CSMD1: variants seen among roughly 807,000 people sequenced by gnomAD.
The protein encoded by CSMD1 is CUB and sushi domain-containing protein 1.
A neutral mutation model predicts 417.5 loss-of-function variants in CSMD1; 213 were observed. The ratio of observed to expected loss-of-function variants is 0.51; its 90% CI spans 0.46 to 0.57. The LOEUF (loss-of-function observed/expected upper bound fraction) is 0.57, where lower values mean the gene tolerates loss of function less well. CSMD1 is among the 20% of genes least tolerant of loss of function. The probability of loss-of-function intolerance (pLI) is 0.00; values close to 1 mark genes in which losing one functional copy is unlikely to be tolerated. For synonymous variants in CSMD1, 2,862 were observed against 1,736.8 expected, an observed-to-expected ratio of 1.65 and a Z score of -16.11; for missense variants, 6,923 against 4,529.7, an observed-to-expected ratio of 1.53 and a Z score of -15.17.
intron 6 of CSMD1, among the ~76,000 whole-genome samples, chr8:3,726,336 C>G (rs148497278): frequency 6.6e-6 from 1 of 152,132 alleles, no homozygotes; most frequent in Non-Finnish European, 1.5e-5. Context: ...AATAATAATT[C>G]CGGTAATTTA....
rs186106313 is a variant in CSMD1 at position 4,657,323 on chromosome 8, T to G, written c.86-19765A>C. Among the ~76,000 whole-genome samples the G allele has an allele frequency of 1.3e-4, 20 of 152,178 alleles. No individual in the cohort carries two copies. The East Asian group carries it at 3.9e-3, about 30-fold the overall frequency. ...GAAGGAGGGCCCAGCACACAAAGGG[T>G]CAACTGGCAGACTGAGAGAGGATTT... On this transcript the variant is annotated intron_variant, in intron 1 of 69. Transcript: ENST00000635120.
intron 5 of CSMD1, among the ~76,000 whole-genome samples, chr8:3,796,291 T>C: frequency 4.0e-5 from 1 of 24,916 alleles, no homozygotes; most frequent in East Asian, 1.4e-3. Context: ...CATGTATAGA[T>C]ATATCTATCA....
intron 5 of CSMD1, among the ~76,000 whole-genome samples, chr8:3,971,965 T>C (rs148345919): frequency 7.9e-5 from 12 of 152,242 alleles, no homozygotes; most frequent in African/African-American, 2.9e-4. Context: ...TGGAGTGCAG[T>C]GGGTGATCCT....
At chr8:4,076,464 T>G (rs1799827098) in intron 3 of CSMD1, among the ~76,000 whole-genome samples, 1 of 152,146 alleles carries the variant, frequency 6.6e-6, no homozygotes, top group African/African-American at 2.4e-5. Flanking sequence ...ACTGTAATAG[T>G]GACAGCAGGT....
intron 3 of CSMD1, among the ~76,000 whole-genome samples, chr8:4,087,288 C>A (rs546909073): frequency 6.6e-6 from 1 of 152,136 alleles, no homozygotes; most frequent in African/African-American, 2.4e-5. Flanking sequence ...ACTCTCCTTC[C>A]TTCTCCTTCC....
chr8:3,662,344 C>T (rs773717797), intron 7 of CSMD1, among the ~76,000 whole-genome samples: 3 of 152,124 alleles, frequency 2.0e-5, no homozygotes, highest in Non-Finnish European at 2.9e-5. Flanking sequence ...CTTAAAATCT[C>T]TCTCTCCCCA....
chr8:4,790,483 C>A (rs917104358), intron 1 of CSMD1, among the ~76,000 whole-genome samples: 2 of 152,110 alleles, frequency 1.3e-5, no homozygotes, highest in African/African-American at 4.8e-5. Context: ...AAAAACTCTT[C>A]TAAAATTTAT....
At position 3,957,561 on chromosome 8, in the gene CSMD1, G is replaced by C. The variant is rs181897272; in HGVS notation, c.818+40342C>G. On this transcript the variant is annotated intron_variant, in intron 5 of 69. Coordinates refer to ENST00000635120, the MANE Select transcript of CSMD1 (RefSeq NM_033225.6). ...TAGCTGGGCATGGCGGGGCATACTT[G>C]TAGTCCCAGCTACTCAGAAGGCTGA... Among the ~76,000 whole-genome samples, 14 of 152,212 alleles carry C rather than the reference G, an allele frequency of 9.2e-5. No homozygotes were observed. The East Asian group carries it at 2.5e-3, about 27-fold the overall frequency.
intron 5 of CSMD1, among the ~76,000 whole-genome samples, chr8:3,959,619 A>T (rs1399622866): frequency 6.6e-6 from 1 of 152,230 alleles, no homozygotes; most frequent in Non-Finnish European, 1.5e-5. Flanking sequence ...AAATCACAGC[A>T]TCTCACTTGT....
intron 2 of CSMD1, among the ~76,000 whole-genome samples, chr8:4,463,892 G>A (rs771840620): frequency 1.3e-5 from 2 of 152,134 alleles, no homozygotes; most frequent in African/African-American, 2.4e-5. Flanking sequence ...ATTGTGGTAT[G>A]TGAATCATTT....
Position 4,419,969 on chromosome 8 carries a change from G to C in CSMD1, c.399C>G (p.Phe133Leu). ...TTDFAVSAQG[F>L]KALYEVLPSH... ...ATCTCCTACCTTCATATAATGCTTTGAAACCTTGGGCACTCACAGCGAAGT... is the reference window on the plus strand; with the variant it reads ...ATCTCCTACCTTCATATAATGCTTTCAAACCTTGGGCACTCACAGCGAAGT... The change falls in exon 3 of 70, where the codon TTC (phenylalanine) becomes TTG (leucine). Residue 133 changes from phenylalanine (F) to leucine (L), a missense_variant. Phe to Leu is a conservative substitution (Grantham distance 22, BLOSUM62 0). Coordinates refer to ENST00000635120, the MANE Select transcript of CSMD1 (RefSeq NM_033225.6). 1.3e-6 allele frequency: 2 copies of C among 1,579,944 alleles called. No individual in the cohort carries two copies. The highest frequency in any genetic ancestry group is 1.2e-5 in the South Asian group (1 of 86,050).
intron 7 of CSMD1, among the ~76,000 whole-genome samples, chr8:3,706,781 A>G (rs189487436): frequency 1.8e-5 from 2 of 113,374 alleles, no homozygotes; most frequent in Admixed American, 1.8e-4. Flanking sequence ...AAACTACTGT[A>G]AATACTATAT....
At chr8:3,965,534 G>A (rs951401830) in intron 5 of CSMD1, among the ~76,000 whole-genome samples, 1 of 152,172 alleles carries the variant, frequency 6.6e-6, no homozygotes, top group South Asian at 2.1e-4. Context: ...AATAGAGCCT[G>A]AACAACTAGG....
At chr8:4,046,319 G>A (rs920594369) in intron 3 of CSMD1, among the ~76,000 whole-genome samples, 2 of 151,966 alleles carry the variant, frequency 1.3e-5, no homozygotes, top group Non-Finnish European at 2.9e-5. Context: ...CTTTGTCCTG[G>A]AAGTTAGCTT....
Position 3,308,404 on chromosome 8 carries a change from C to G in CSMD1, c.3731G>C (p.Cys1244Ser). ...GCCATGCATGGCGTACCCCGGGTTGCAACTGTACAGAACTACAGTGTCGGT... is the reference window on the plus strand; with the variant it reads ...GCCATGCATGGCGTACCCCGGGTTGGAACTGTACAGAACTACAGTGTCGGT... ...HFTDTVVLYS[C>S]NPGYAMHGSN... The change falls in exon 24 of 70, where the codon TGC (cysteine) becomes TCC (serine). Residue 1244 changes from cysteine (C) to serine (S), a missense_variant. Physicochemically the swap from Cys to Ser is moderately radical, Grantham distance 112. Coordinates refer to ENST00000635120, the MANE Select transcript of CSMD1 (RefSeq NM_033225.6). 6.2e-7 allele frequency: 1 copy of G among 1,613,806 alleles called. No individual in the cohort carries two copies. Among genetic ancestry groups the G allele is most frequent in the East Asian group, 2.2e-5 (1 of 44,842 alleles).
intron 26 of CSMD1, among the ~76,000 whole-genome samples, chr8:3,279,714 T>C (rs1802584253): frequency 6.6e-6 from 1 of 152,044 alleles, no homozygotes; most frequent in South Asian, 2.1e-4. Flanking sequence ...AAACTTACAA[T>C]CATGGAGGAA....
intron 1 of CSMD1, among the ~76,000 whole-genome samples, chr8:4,694,642 C>A (rs1231667826): frequency 1.3e-5 from 2 of 151,946 alleles, no homozygotes; most frequent in Non-Finnish European, 2.9e-5. Context: ...GGATTACAGC[C>A]GTGAGTCACC....
At chr8:4,109,317 T>A (rs1801731437) in intron 3 of CSMD1, among the ~76,000 whole-genome samples, 1 of 152,144 alleles carries the variant, frequency 6.6e-6, no homozygotes, top group Non-Finnish European at 1.5e-5. Flanking sequence ...TTTTCTATAT[T>A]CCTCAAAGCT....
At chr8:3,615,015 G>A (rs1283375101) in intron 8 of CSMD1, among the ~76,000 whole-genome samples, 1 of 152,170 alleles carries the variant, frequency 6.6e-6, no homozygotes, top group Non-Finnish European at 1.5e-5. Context: ...GGAAGAATGG[G>A]CAATTTTATT....
Sources: allele counts gnomAD v4.1 joint callset (sites outside exome capture counted in the v4.1 genomes callset), GRCh38; gene constraint gnomAD v4.1.1; transcripts MANE v1.5; gene names NCBI Gene and HGNC (gene_info 2026-07-23, HGNC 2026-07-21).